The following HMGXB3 variants were observed in gnomAD, a reference collection of about 807,000 sequenced individuals.
HMGXB3 encodes the protein HMG-box containing 3.
Under a neutral mutation model 121.5 loss-of-function variants are expected in HMGXB3, and 45 were observed. The observed-to-expected ratio is 0.37, with a 90% confidence interval of 0.29 to 0.47. HMGXB3 has a LOEUF of 0.47. HMGXB3 is among the 20% of genes least tolerant of loss of function. The probability of loss-of-function intolerance (pLI) is 0.99; values close to 1 mark genes in which losing one functional copy is unlikely to be tolerated. For missense variants in HMGXB3, 1,376 were observed against 1,602.2 expected (o/e 0.86, Z 2.41); for synonymous variants, 590 against 624.1 (o/e 0.95, Z 0.81).
rs1415661015 is a variant in HMGXB3, at chr5:150,026,766, G to C, written c.1521G>C (p.Lys507Asn). The C allele has an allele frequency of 6.4e-7, 1 of 1,551,152 alleles. No individual in the cohort carries two copies. Among genetic ancestry groups the C allele is most frequent in the African/African-American group, 1.4e-5 (1 of 73,014 alleles). ...APELKGRARGKPSLLAAARPM... is the reference protein window; with the variant it reads ...APELKGRARGNPSLLAAARPM... The stretch of plus-strand genomic sequence containing the variant: ...AGCTTAAAGGCAGAGCACGGGGCAA[G>C]CCCTCATTACTGGCTGCAGCAAGAC... The change falls in exon 8 of 20, where the codon AAG becomes AAC. Residue 507 changes from lysine to asparagine, a missense_variant. Physicochemically the swap from Lys to Asn is moderately conservative, Grantham distance 94. Coordinates refer to ENST00000502717, the MANE Select transcript of HMGXB3 (RefSeq NM_014983.3).
At chr5:150,025,650 C>T (rs910122448) in intron 7 of HMGXB3, among the ~76,000 whole-genome samples, 1 of 152,128 alleles carries the variant, frequency 6.6e-6, no homozygotes, top group Non-Finnish European at 1.5e-5. Flanking sequence ...TCCCTGAAGC[C>T]TCATCCTCCC....
chr5:150,018,271 T>G (rs1199306833), intron 5 of HMGXB3, among the ~76,000 whole-genome samples: 1 of 152,212 alleles, frequency 6.6e-6, no homozygotes, highest in Non-Finnish European at 1.5e-5. Context: ...ATTGGTAAAG[T>G]GTTTAGCATT....
chr5:150,021,015 G>C (rs1234198990), intron 6 of HMGXB3, among the ~76,000 whole-genome samples: 3 of 152,136 alleles, frequency 2.0e-5, no homozygotes, highest in Non-Finnish European at 4.4e-5. Flanking sequence ...GGGATTACAT[G>C]TGTGAGCCAT....
Position 150,052,833 on chromosome 5 carries a change from G to A in HMGXB3, c.*641G>A, listed in dbSNP as rs1756965016. ...TCTCCACCCCAAGCTTTGAGGAAGA[G>A]CATCCCCTTCCTCCTTTCCCTGGCC... On this transcript the variant is annotated 3_prime_UTR_variant, in exon 20 of 20. Transcript: ENST00000502717. 1 of 152,630 alleles carries A rather than the reference G, an allele frequency of 6.6e-6. No individual in the cohort carries two copies. Among genetic ancestry groups the A allele is most frequent in the Admixed American group, 6.5e-5 (1 of 15,300 alleles). The allele number at this position is 152,630 out of a possible 1,614,324, so 9.5% of individuals were successfully genotyped here.
chr5:150,032,267 TTACA>T (rs1756397763), intron 10 of HMGXB3, among the ~76,000 whole-genome samples, 183 bp from the exon 11 acceptor site: 1 of 152,192 alleles, frequency 6.6e-6, no homozygotes, highest in Non-Finnish European at 1.5e-5. Flanking sequence ...TGCCAAAAAT[TTACA>T]GCCTGTATTA....
intron 10 of HMGXB3, among the ~76,000 whole-genome samples, chr5:150,031,616 G>A (rs1344419730): frequency 6.6e-6 from 1 of 152,224 alleles, no homozygotes; most frequent in African/African-American, 2.4e-5. Flanking sequence ...CCAGCAAGAT[G>A]TCTTTTGGCA....
intron 16 of HMGXB3, among the ~76,000 whole-genome samples, chr5:150,046,668 C>T (rs1177793932): frequency 1.3e-5 from 2 of 152,012 alleles, no homozygotes; most frequent in African/African-American, 2.4e-5. Flanking sequence ...AAAAATTAGC[C>T]GGGCATGGTG....
rs1483322629 is a variant in HMGXB3, at chr5:150,051,755, C to T, written c.3442C>T (p.His1148Tyr). 3.2e-6 allele frequency: 5 copies of T among 1,540,092 alleles called. No homozygotes were observed. Among genetic ancestry groups the T allele is most frequent in the African/African-American group, 2.7e-5 (2 of 73,050 alleles). ...GTCCTGCCCAGAGCTCTTGGACCAGCATTATACTGTGGACATGACAGAAAC... is the reference window on the plus strand; with the variant it reads ...GTCCTGCCCAGAGCTCTTGGACCAGTATTATACTGTGGACATGACAGAAAC... Reference protein sequence around the residue: ...SVSCPELLDQHYTVDMTETEH... With the variant: ...SVSCPELLDQYYTVDMTETEH... Residue 1148 changes from histidine (H) to tyrosine (Y), a missense_variant, in exon 20 of 20, where the codon CAT becomes TAT. By Grantham distance (83) the His-to-Tyr change is moderately conservative. This residue lies in a region of HMGXB3 where 260 missense variants were observed against 233.2 expected (regional missense o/e 1.11). Transcript: ENST00000502717.
At position 150,052,405 on chromosome 5, in the gene HMGXB3, CCTCTT is replaced by C. The variant is rs1380258186; in HGVS notation, c.*216_*220del. 3.6e-6 allele frequency: 2 copies of C among 561,066 alleles called. No individual in the cohort carries two copies. The highest frequency in any genetic ancestry group is 4.9e-5 in the South Asian group (2 of 41,180). The allele number at this position is 561,066 out of a possible 1,614,324, so 34.8% of individuals were successfully genotyped here. On this transcript the variant is annotated 3_prime_UTR_variant, in exon 20 of 20. Transcript: ENST00000502717. Reference sequence around the variant, plus strand: ...AGGGGTCAGGAGTGGTACCAGGAAACCTCTTCTGGCCCCGAGAGAGCACTTGGGGG... The same window carrying C: ...AGGGGTCAGGAGTGGTACCAGGAAACCTGGCCCCGAGAGAGCACTTGGGGG...
intron 3 of HMGXB3, among the ~76,000 whole-genome samples, chr5:150,009,883 T>C (rs569325221): frequency 1.3e-5 from 2 of 152,288 alleles, no homozygotes; most frequent in East Asian, 3.9e-4. Flanking sequence ...GTTTCCTGTG[T>C]GACTGAGTGA....
intron 5 of HMGXB3, among the ~76,000 whole-genome samples, chr5:150,017,164 C>T (rs1027827659): frequency 6.6e-6 from 1 of 152,162 alleles, no homozygotes; most frequent in Non-Finnish European, 1.5e-5. Context: ...CATCCTTGAA[C>T]ATTAGCACTT....
chr5:150,009,493 G>A (rs1755780655), intron 3 of HMGXB3, among the ~76,000 whole-genome samples: 1 of 151,982 alleles, frequency 6.6e-6, no homozygotes, highest in South Asian at 2.1e-4. Flanking sequence ...TTTCTGTCAC[G>A]AAGCCTTCTA....
chr5:150,027,541 A>G (rs1756262716), intron 9 of HMGXB3, among the ~76,000 whole-genome samples: 1 of 151,892 alleles, frequency 6.6e-6, no homozygotes, highest in South Asian at 2.1e-4. Flanking sequence ...TGTGTATTTC[A>G]TAAGAATAGG....
chr5:150,021,395 A>G (rs140462595), intron 6 of HMGXB3, among the ~76,000 whole-genome samples: 1 of 152,358 alleles, frequency 6.6e-6, no homozygotes, highest in East Asian at 1.9e-4. Flanking sequence ...CCACTAAACC[A>G]CACTTCTCAG....
intron 11 of HMGXB3, among the ~76,000 whole-genome samples, chr5:150,033,160 T>C (rs1008625876): frequency 6.6e-6 from 1 of 152,168 alleles, no homozygotes; most frequent in African/African-American, 2.4e-5. Context: ...TTATTACTAT[T>C]ACCAGGAAAA....
chr5:150,033,726 G>A (rs1437421790), intron 11 of HMGXB3, among the ~76,000 whole-genome samples: 1 of 152,140 alleles, frequency 6.6e-6, no homozygotes, highest in Non-Finnish European at 1.5e-5. Context: ...GGGAATTTAT[G>A]GGATGAGAGT....
Position 150,041,986 on chromosome 5 carries a change from C to T in HMGXB3, c.2730+17C>T. The stretch of plus-strand genomic sequence containing the variant: ...AGCGTGGAGGTAAGTGCCTCTTAGC[C>T]ACCGTGAGGGACCTGCGGAATTTTC... On this transcript the variant is annotated intron_variant, in intron 15 of 19. Coordinates refer to ENST00000502717, the MANE Select transcript of HMGXB3 (RefSeq NM_014983.3). 3.9e-6 allele frequency: 6 copies of T among 1,544,512 alleles called. No homozygotes were observed. The highest frequency in any genetic ancestry group is 5.3e-6 in the Non-Finnish European group (6 of 1,141,350).
At position 150,018,490 on chromosome 5, in the gene HMGXB3, G is replaced by A. The variant is rs562373185; in HGVS notation, c.910-76G>A. ...TCTTTCCACAAGCTTGTGACCTCCT[G>A]GTGTTGCTGTGATTATAGTGGTCAT... On this transcript the variant is annotated intron_variant, in intron 5 of 19. Coordinates refer to ENST00000502717, the MANE Select transcript of HMGXB3 (RefSeq NM_014983.3). 5 of 1,216,506 alleles carry A rather than the reference G, an allele frequency of 4.1e-6. No homozygotes were observed. In the Admixed American group the frequency reaches 1.0e-4, roughly 25 times the overall value. The allele number at this position is 1,216,506 out of a possible 1,614,324, so 75.4% of individuals were successfully genotyped here. A position where few individuals can be genotyped will look rare whatever the true frequency, so the allele number is the denominator to read the frequency against.
chr5:150,043,572 C>T (rs922395993), intron 15 of HMGXB3, among the ~76,000 whole-genome samples: 4 of 152,196 alleles, frequency 2.6e-5, no homozygotes, highest in Admixed American at 6.5e-5. Context: ...AACCAGGCAA[C>T]TAAACCATTT....
Sources: allele counts gnomAD v4.1 joint callset (sites outside exome capture counted in the v4.1 genomes callset), GRCh38; gene constraint gnomAD v4.1.1; regional missense constraint gnomAD v4.1.1; transcripts MANE v1.5; gene names NCBI Gene and HGNC (gene_info 2026-07-23, HGNC 2026-07-21).